PTPRO: variants seen among roughly 807,000 people sequenced by gnomAD.
PTPRO encodes protein tyrosine phosphatase receptor type O.
Under a neutral mutation model 145.2 loss-of-function variants are expected in PTPRO, and 62 were observed. That is an observed-to-expected ratio of 0.43 (90% CI 0.35 to 0.53). PTPRO has a LOEUF of 0.53. Ranked by LOEUF, PTPRO falls within the 20% of genes least tolerant of loss-of-function variation. The pLI is 0.01. For missense variants in PTPRO, 1,345 were observed against 1,482.7 expected, an observed-to-expected ratio of 0.91 and a Z score of 1.53; for synonymous variants, 565 against 514.7, an observed-to-expected ratio of 1.10 and a Z score of -1.32.
chr12:15,542,386 T>G (rs925441252), intron 12 of PTPRO, among the ~76,000 whole-genome samples: 1 of 152,228 alleles, frequency 6.6e-6, no homozygotes, highest in African/African-American at 2.4e-5. Context: ...GAATTTGTGT[T>G]GGGCTGCATT....
intron 1 of PTPRO, among the ~76,000 whole-genome samples, chr12:15,447,343 T>C (rs1817189992): frequency 6.6e-6 from 1 of 152,140 alleles, no homozygotes; most frequent in Non-Finnish European, 1.5e-5. Flanking sequence ...AGGTTCTTAT[T>C]GCTCAATTCC....
At chr12:15,351,410 C>T (rs892089340) in intron 1 of PTPRO, among the ~76,000 whole-genome samples, 2 of 152,086 alleles carry the variant, frequency 1.3e-5, no homozygotes, top group Non-Finnish European at 2.9e-5. Context: ...GTGTACATGT[C>T]AGGCTAGGCA....
intron 1 of PTPRO, among the ~76,000 whole-genome samples, chr12:15,342,375 A>G (rs925495196): frequency 6.6e-6 from 1 of 150,826 alleles, no homozygotes; most frequent in Admixed American, 6.6e-5. Context: ...TTTTATGTCT[A>G]TGATCACCAA....
intron 1 of PTPRO, among the ~76,000 whole-genome samples, chr12:15,402,914 T>C (rs772279019): frequency 2.0e-5 from 3 of 152,156 alleles, no homozygotes; most frequent in Non-Finnish European, 4.4e-5. Flanking sequence ...TCACAGTCAG[T>C]ACAAAAATAC....
At chr12:15,545,419 C>T (rs1442762544) in intron 12 of PTPRO, among the ~76,000 whole-genome samples, 2 of 151,010 alleles carry the variant, frequency 1.3e-5, no homozygotes, top group Admixed American at 6.6e-5. Context: ...TGAGTTCAGG[C>T]ACAGCACTCT....
rs1314013871 is a variant in PTPRO at position 15,581,819 on chromosome 12, G to GAGC, written c.3255+21_3255+23dup. 1 of 1,613,444 alleles carries GAGC rather than the reference G, an allele frequency of 6.2e-7. No individual in the cohort carries two copies. Among genetic ancestry groups the GAGC allele is most frequent in the Non-Finnish European group, 8.5e-7 (1 of 1,179,616 alleles). On this transcript the variant is annotated intron_variant, in intron 23 of 26. Transcript: ENST00000281171. ...TCAACTATGTAAGTCACCAGGCAGA[G>GAGC]AGCAGGTGCTGTCCCTATGCTGACA...
intron 1 of PTPRO, among the ~76,000 whole-genome samples, chr12:15,434,028 A>G (rs1419295773): frequency 6.6e-6 from 1 of 152,194 alleles, no homozygotes; most frequent in Non-Finnish European, 1.5e-5. Flanking sequence ...CTTGGTCACA[A>G]TGCAGCACTG....
intron 15 of PTPRO, among the ~76,000 whole-genome samples, 163 bp downstream of exon 15, chr12:15,551,834 T>C (rs572076530): frequency 6.6e-6 from 1 of 152,250 alleles, no homozygotes; most frequent in African/African-American, 2.4e-5. Context: ...TTCGAAACAT[T>C]ATATTGGAAA....
intron 6 of PTPRO, among the ~76,000 whole-genome samples, chr12:15,506,912 C>T (rs1041135509): frequency 3.9e-5 from 6 of 152,114 alleles, no homozygotes; most frequent in Non-Finnish European, 7.4e-5. Flanking sequence ...CTAATAATGA[C>T]CAAACTGAGT....
At chr12:15,404,213 G>T (rs921100943) in intron 1 of PTPRO, among the ~76,000 whole-genome samples, 12 of 114,386 alleles carry the variant, frequency 1.0e-4, no homozygotes, top group African/African-American at 3.9e-4. Flanking sequence ...AAAAAAAAAA[G>T]AGTGTTTGGT....
At chr12:15,445,209 T>A (rs1464835157) in intron 1 of PTPRO, among the ~76,000 whole-genome samples, 1 of 152,018 alleles carries the variant, frequency 6.6e-6, no homozygotes, top group Admixed American at 6.6e-5. Context: ...CTTATAAGGA[T>A]TTTTTTTCCT....
intron 1 of PTPRO, among the ~76,000 whole-genome samples, chr12:15,338,336 T>C (rs981686533): frequency 6.6e-6 from 1 of 152,194 alleles, no homozygotes; most frequent in Admixed American, 6.5e-5. Context: ...TGGATAGATA[T>C]AGTCTTTGTC....
intron 1 of PTPRO, among the ~76,000 whole-genome samples, chr12:15,425,750 CT>C (rs1317191651): frequency 7.5e-6 from 1 of 133,730 alleles, no homozygotes; most frequent in Non-Finnish European, 1.6e-5. Flanking sequence ...TTTTTTGTAA[CT>C]TTTTTATTAT....
Position 15,507,188 on chromosome 12 carries a change from G to A in PTPRO, c.1268-1383G>A, listed in dbSNP as rs577699571. On this transcript the variant is annotated intron_variant, in intron 6 of 26. Coordinates refer to ENST00000281171, the MANE Select transcript of PTPRO (RefSeq NM_030667.3). The stretch of plus-strand genomic sequence containing the variant: ...AGCACTTAGGGAGGCCAAGGCGGGC[G>A]GATCACCTGAGGTCAGGAGTTCAAG... 2.0e-4 allele frequency among the ~76,000 whole-genome samples: 30 copies of A among 152,130 alleles called. 1 individual carries two copies. The highest frequency in any genetic ancestry group is 7.2e-4 in the African/African-American group (30 of 41,510).
Position 15,380,724 on chromosome 12 carries a change from G to A in PTPRO, c.75+57923G>A, listed in dbSNP as rs556856872. Reference sequence around the variant, plus strand: ...GTCACCAATAGAACTAAGCAAATACGTAACCTCTACTGCACTATCAAATTT... The same window carrying A: ...GTCACCAATAGAACTAAGCAAATACATAACCTCTACTGCACTATCAAATTT... On this transcript the variant is annotated intron_variant, in intron 1 of 26. Transcript: ENST00000281171. Among the ~76,000 whole-genome samples the A allele has an allele frequency of 3.9e-5, 6 of 152,200 alleles. No individual in the cohort carries two copies. In the East Asian group the frequency reaches 5.8e-4, roughly 15 times the overall value.
At chr12:15,491,255 G>C (rs1361701359) in intron 2 of PTPRO, among the ~76,000 whole-genome samples, 1 of 152,156 alleles carries the variant, frequency 6.6e-6, no homozygotes, top group African/African-American at 2.4e-5. Flanking sequence ...TCTTCAGCTG[G>C]TCACATCAGA....
intron 12 of PTPRO, chr12:15,546,235 C>A: frequency 2.5e-6 from 2 of 809,830 alleles, no homozygotes; most frequent in Non-Finnish European, 3.1e-6. Flanking sequence ...TGTTTCTCAT[C>A]CAGGAAGTTC....
At chr12:15,366,325 T>C (rs758885043) in intron 1 of PTPRO, among the ~76,000 whole-genome samples, 2 of 151,116 alleles carry the variant, frequency 1.3e-5, no homozygotes, top group African/African-American at 2.5e-5. Flanking sequence ...AATACTTAAG[T>C]TACCAGTGGT....
At chr12:15,582,225 C>A (rs187336890) in intron 23 of PTPRO, among the ~76,000 whole-genome samples, 3 of 152,212 alleles carry the variant, frequency 2.0e-5, no homozygotes, top group African/African-American at 7.2e-5. Context: ...AACCGACAAC[C>A]TTCAGCATGG....
Sources: allele counts gnomAD v4.1 joint callset (sites outside exome capture counted in the v4.1 genomes callset), GRCh38; gene constraint gnomAD v4.1.1; transcripts MANE v1.5; gene names NCBI Gene and HGNC (gene_info 2026-07-23, HGNC 2026-07-21).